Variants in MTUS2 observed in about 807,000 individuals in gnomAD.
The protein encoded by MTUS2 is microtubule-associated tumor suppressor candidate 2.
In MTUS2, 40 loss-of-function variants were observed where a neutral mutation model predicts 114.1. The ratio of observed to expected loss-of-function variants is 0.35; its 90% CI spans 0.27 to 0.46. The LOEUF is 0.46. MTUS2 is among the 20% of genes least tolerant of loss of function. The pLI is 1.00. For missense variants in MTUS2, 1,679 were observed against 1,705.4 expected (o/e 0.98, Z 0.27); for synonymous variants, 688 against 672.0 (o/e 1.02, Z -0.37).
chr13:29,272,977 T>A (rs1897933193), intron 5 of MTUS2, among the ~76,000 whole-genome samples: 1 of 151,574 alleles, frequency 6.6e-6, no homozygotes, highest in South Asian at 2.1e-4. Flanking sequence ...AGAAGGAATG[T>A]GGAAACAGGG....
chr13:29,009,991 C>G (rs1473218932), intron 2 of MTUS2, among the ~76,000 whole-genome samples: 2 of 152,080 alleles, frequency 1.3e-5, no homozygotes, highest in African/African-American at 4.8e-5. Flanking sequence ...GCGGACAGAT[C>G]ACAAAGTCAG....
chr13:29,036,535 C>G (rs756918984), intron 4 of MTUS2, among the ~76,000 whole-genome samples: 7 of 152,084 alleles, frequency 4.6e-5, no homozygotes, highest in Admixed American at 1.3e-4. Context: ...TGGCTTGGTC[C>G]AGAGCTGAGT....
At chr13:29,431,672 G>A (rs1876996570) in intron 8 of MTUS2, among the ~76,000 whole-genome samples, 1 of 152,192 alleles carries the variant, frequency 6.6e-6, no homozygotes, top group Non-Finnish European at 1.5e-5. Context: ...AAACTAAAGA[G>A]AAGGAATGTA....
chr13:29,191,375 A>G (rs1894442872), intron 5 of MTUS2, among the ~76,000 whole-genome samples: 1 of 152,134 alleles, frequency 6.6e-6, no homozygotes. Flanking sequence ...AGCTATAAAA[A>G]CAATGATGAG....
At chr13:29,170,034 G>C (rs570109754) in intron 5 of MTUS2, among the ~76,000 whole-genome samples, 2 of 84,532 alleles carry the variant, frequency 2.4e-5, no homozygotes, top group Non-Finnish European at 5.2e-5. Flanking sequence ...AAAAATCACA[G>C]TAGTGGTTGA....
At chr13:29,393,000 C>T (rs931267273) in intron 8 of MTUS2, among the ~76,000 whole-genome samples, 1 of 152,320 alleles carries the variant, frequency 6.6e-6, no homozygotes, top group Middle Eastern at 3.4e-3. Flanking sequence ...GAAAAGACAT[C>T]TATTTAATTT....
intron 8 of MTUS2, among the ~76,000 whole-genome samples, chr13:29,393,223 G>A (rs571553037): frequency 1.3e-5 from 2 of 152,248 alleles, no homozygotes; most frequent in African/African-American, 2.4e-5. Context: ...CTTAGGGTTC[G>A]CCAGAACACT....
chr13:29,376,425 A>G (rs1871751143), intron 8 of MTUS2, among the ~76,000 whole-genome samples: 1 of 152,216 alleles, frequency 6.6e-6, no homozygotes, highest in South Asian at 2.1e-4. Context: ...GTAGTCAAAA[A>G]TACAATAAAG....
chr13:29,252,350 A>G (rs372735733), intron 5 of MTUS2, among the ~76,000 whole-genome samples: 5 of 152,158 alleles, frequency 3.3e-5, no homozygotes, highest in Admixed American at 3.3e-4. Context: ...TTATTCACAA[A>G]TAATATAACC....
At chr13:29,156,589 C>T (rs897841561) in intron 5 of MTUS2, among the ~76,000 whole-genome samples, 2 of 152,104 alleles carry the variant, frequency 1.3e-5, no homozygotes, top group African/African-American at 4.8e-5. Context: ...TTCAGCAAGT[C>T]ACTAGACTCT....
At chr13:28,932,563 T>C (rs1229199460) in intron 2 of MTUS2, among the ~76,000 whole-genome samples, 2 of 152,172 alleles carry the variant, frequency 1.3e-5, no homozygotes, top group Non-Finnish European at 2.9e-5. Flanking sequence ...AATAAAAATG[T>C]GCCCTGGAGT....
intron 5 of MTUS2, among the ~76,000 whole-genome samples, chr13:29,279,716 T>C (rs1898195973): frequency 6.6e-6 from 1 of 152,200 alleles, no homozygotes; most frequent in African/African-American, 2.4e-5. Context: ...GGGAAGTACA[T>C]AGTTCCCTGA....
intron 5 of MTUS2, among the ~76,000 whole-genome samples, chr13:29,221,838 T>G (rs1468633984): frequency 2.6e-5 from 4 of 152,220 alleles, no homozygotes; most frequent in Non-Finnish European, 5.9e-5. Context: ...TTTCCCAATA[T>G]ATTTTCCATA....
intron 4 of MTUS2, among the ~76,000 whole-genome samples, chr13:29,035,853 A>G (rs1007107553): frequency 1.3e-5 from 2 of 152,150 alleles, no homozygotes; most frequent in Admixed American, 6.5e-5. Context: ...AAAAAGAAAA[A>G]GAAAAACCAG....
At chr13:29,434,745 C>T (rs572961181) in intron 8 of MTUS2, among the ~76,000 whole-genome samples, 8 of 152,338 alleles carry the variant, frequency 5.3e-5, no homozygotes, top group Middle Eastern at 3.4e-3. Flanking sequence ...GAAGAGATAA[C>T]GCCCATTGAC....
At chr13:28,989,852 G>GTTT (rs67968989) in intron 2 of MTUS2, among the ~76,000 whole-genome samples, 1 of 143,696 alleles carries the variant, frequency 7.0e-6, no homozygotes, top group East Asian at 2.0e-4. Flanking sequence ...GTTTTGTTTT[G>GTTT]TTTTTTTTTT....
intron 5 of MTUS2, among the ~76,000 whole-genome samples, chr13:29,194,761 C>G (rs1310061488): frequency 6.6e-6 from 1 of 151,122 alleles, no homozygotes; most frequent in Non-Finnish European, 1.5e-5. Context: ...ACCCAAAGGA[C>G]TATAAATCAT....
At position 29,058,423 on chromosome 13, in the gene MTUS2, T is replaced by C. The variant is rs182225285; in HGVS notation, c.2446+24298T>C. Among the ~76,000 whole-genome samples, 40 of 152,110 alleles carry C rather than the reference T, an allele frequency of 2.6e-4. 1 individual carries two copies. In the East Asian group the frequency reaches 6.6e-3, roughly 25 times the overall value. On this transcript the variant is annotated intron_variant, in intron 4 of 15. Coordinates refer to ENST00000612955, the MANE Select transcript of MTUS2 (RefSeq NM_001033602.4). ...TTCTTTCAGGGACACCAGTGAGTTA[T>C]AGATTTGGTCTCTTTACACAGTTTC...
intron 8 of MTUS2, among the ~76,000 whole-genome samples, chr13:29,407,519 C>G (rs578064163): frequency 5.3e-5 from 8 of 149,960 alleles, no homozygotes; most frequent in Middle Eastern, 6.8e-3. Context: ...CTCTTGTTGC[C>G]CAGGCTGGAG....
Sources: gnomAD v4.1 joint callset for allele counts (sites outside exome capture counted in the v4.1 genomes callset) on GRCh38, gnomAD v4.1.1 for gene constraint, MANE v1.5 for transcripts, NCBI Gene and HGNC (gene_info 2026-07-23, HGNC 2026-07-21) for gene names.